FAM53A: variants seen among roughly 807,000 people sequenced by gnomAD.
The protein encoded by FAM53A is protein FAM53A.
A neutral mutation model predicts 26.6 loss-of-function variants in FAM53A; 28 were observed. That is an observed-to-expected ratio of 1.05 (90% confidence interval 0.78 to 1.45). FAM53A has a LOEUF of 1.45. Ranked by LOEUF, FAM53A falls within the 40% of genes most tolerant of loss-of-function variation. The pLI, the probability that FAM53A is intolerant of heterozygous loss-of-function variation, is 0.00. For missense variants in FAM53A, 650 were observed against 575.8 expected (o/e 1.13, Z -1.32); for synonymous variants, 290 against 253.1 (o/e 1.15, Z -1.38).
At chr4:1,652,196 ACACAC>A (rs371304842) in intron 4 of FAM53A, among the ~76,000 whole-genome samples, 8 of 142,884 alleles carry the variant, frequency 5.6e-5, no homozygotes, top group African/African-American at 1.9e-4. Flanking sequence ...TACACGCCAC[ACACAC>A]CACACATGCC....
intron 1 of FAM53A, among the ~76,000 whole-genome samples, chr4:1,627,768 G>A (rs1216265832): frequency 6.6e-6 from 1 of 152,038 alleles, no homozygotes; most frequent in Admixed American, 6.5e-5. Flanking sequence ...TCTGGCATGT[G>A]TCCCAGCAGC....
chr4:1,656,821 C>T (rs1196982234), intron 3 of FAM53A, among the ~76,000 whole-genome samples: 1 of 152,156 alleles, frequency 6.6e-6, no homozygotes, highest in Non-Finnish European at 1.5e-5. Flanking sequence ...GGGCGCTGGG[C>T]GTGTCACAGT....
the FAM53A span, among the ~76,000 whole-genome samples, chr4:1,605,597 C>G: frequency 6.6e-6 from 1 of 151,292 alleles, no homozygotes; most frequent in Non-Finnish European, 1.5e-5. The surrounding 1 kb of genome is among the most constrained non-coding windows in gnomAD (Gnocchi z 5.7). Context: ...CCCTCCTCTC[C>G]CTGCGGGTCC....
rs1714424668 is a variant in FAM53A, at chr4:1,668,751, C to T, written c.-10G>A. On this transcript the variant is annotated 5_prime_UTR_variant, in exon 2 of 5. Transcript: ENST00000308132. Reference sequence around the variant, plus strand: ...TGATGAGTGTGACCATGGTCGGGGCCCCGTGTCCTCCGTCCACACCAACAG... The same window carrying T: ...TGATGAGTGTGACCATGGTCGGGGCTCCGTGTCCTCCGTCCACACCAACAG... 2 of 1,614,076 alleles carry T rather than the reference C, an allele frequency of 1.2e-6. No homozygotes were observed. The highest frequency in any genetic ancestry group is 2.2e-5 in the East Asian group (1 of 44,864).
At chr4:1,598,664 C>A in the FAM53A span, among the ~76,000 whole-genome samples, 1 of 152,198 alleles carries the variant, frequency 6.6e-6, no homozygotes, top group Non-Finnish European at 1.5e-5. Context: ...AAAAAAAGAG[C>A]CACTGATATA....
the FAM53A span, among the ~76,000 whole-genome samples, chr4:1,583,044 G>A: frequency 6.6e-6 from 1 of 152,346 alleles, no homozygotes; most frequent in East Asian, 1.9e-4. Flanking sequence ...CTCACTGCTA[G>A]TTGGCTCTTA....
chr4:1,652,474 T>C, intron 4 of FAM53A, among the ~76,000 whole-genome samples: 2 of 106,446 alleles, frequency 1.9e-5, no homozygotes, highest in African/African-American at 7.5e-5. Context: ...ACGACACACA[T>C]CACACATACC....
At chr4:1,635,725 A>G (rs1332485492), downstream of FAM53A, among the ~76,000 whole-genome samples, 1 of 151,976 alleles carries the variant, frequency 6.6e-6, no homozygotes, top group African/African-American at 2.4e-5. Context: ...TTTCTTCTAT[A>G]ACCCATGAGT....
the FAM53A span, among the ~76,000 whole-genome samples, chr4:1,607,381 CTAT>C: frequency 1.3e-5 from 2 of 150,418 alleles, no homozygotes; most frequent in Admixed American, 6.6e-5. Context: ...AGTTTTTATT[CTAT>C]TATTATGGAA....
At chr4:1,584,587 G>A in the FAM53A span, among the ~76,000 whole-genome samples, 13 of 152,264 alleles carry the variant, frequency 8.5e-5, no homozygotes, top group Non-Finnish European at 1.5e-4. Context: ...GCACCTGGAT[G>A]TCAGCTGGGG....
At chr4:1,586,562 T>C in the FAM53A span, among the ~76,000 whole-genome samples, 1 of 151,438 alleles carries the variant, frequency 6.6e-6, no homozygotes, top group Non-Finnish European at 1.5e-5. Context: ...GATCACGAGG[T>C]CAGAAGATCG....
the FAM53A span, among the ~76,000 whole-genome samples, chr4:1,582,284 C>T: frequency 6.6e-6 from 1 of 152,234 alleles, no homozygotes; most frequent in Non-Finnish European, 1.5e-5. Flanking sequence ...AGCCAGGCCA[C>T]GGCCATCAGG....
At chr4:1,607,475 C>G in the FAM53A span, among the ~76,000 whole-genome samples, 1 of 152,154 alleles carries the variant, frequency 6.6e-6, no homozygotes, top group Non-Finnish European at 1.5e-5. Flanking sequence ...ATCGTCAACT[C>G]AGGAGCAAAG....
At chr4:1,647,481 G>C (rs1209602807) in intron 4 of FAM53A, among the ~76,000 whole-genome samples, 2 of 152,314 alleles carry the variant, frequency 1.3e-5, no homozygotes, top group Admixed American at 1.3e-4. Flanking sequence ...TGTGAGCCTA[G>C]ACTCAGAGCA....
At chr4:1,663,534 C>A (rs904094425) in intron 2 of FAM53A, among the ~76,000 whole-genome samples, 4 of 152,184 alleles carry the variant, frequency 2.6e-5, no homozygotes, top group Admixed American at 6.5e-5. Context: ...GAGCTTCGAG[C>A]CTCACAGCAC....
chr4:1,644,618 A>C, intron 4 of FAM53A: 2 of 421,968 alleles, frequency 4.7e-6, no homozygotes, highest in South Asian at 4.5e-5. Context: ...TGCTACCATC[A>C]CTCTGGTTGG....
intron 1 of FAM53A, among the ~76,000 whole-genome samples, chr4:1,670,350 C>T (rs370047363): frequency 6.6e-6 from 1 of 152,384 alleles, no homozygotes; most frequent in Non-Finnish European, 1.5e-5. Context: ...AGGGCAAAGG[C>T]GCCACCACCA....
At chr4:1,633,759 A>G (rs1715716665) in intron 1 of FAM53A, among the ~76,000 whole-genome samples, 1 of 152,188 alleles carries the variant, frequency 6.6e-6, no homozygotes, top group Admixed American at 6.5e-5. Context: ...CAGGAGATTG[A>G]AAGTGACAGC....
chr4:1,645,551 AG>A (rs1478394014), intron 4 of FAM53A, among the ~76,000 whole-genome samples: 4 of 152,182 alleles, frequency 2.6e-5, no homozygotes, highest in African/African-American at 9.7e-5. Flanking sequence ...CTGTCTCCCC[AG>A]CCCTCCACAC....
Sources: allele counts gnomAD v4.1 joint callset (sites outside exome capture counted in the v4.1 genomes callset), GRCh38; gene constraint gnomAD v4.1.1; non-coding constraint Gnocchi (gnomAD v3.1); transcripts MANE v1.5; gene names NCBI Gene and HGNC (gene_info 2026-07-23, HGNC 2026-07-21).